Variants in OAT observed in about 807,000 individuals in gnomAD.
OAT encodes ornithine aminotransferase, mitochondrial.
Under a neutral mutation model 48.4 loss-of-function variants are expected in OAT, and 35 were observed. The observed-to-expected ratio is 0.72, with a 90% CI of 0.55 to 0.96. The LOEUF (loss-of-function observed/expected upper bound fraction) is 0.96. OAT is among the 40% of genes least tolerant of loss of function. The pLI, the probability that OAT is intolerant of heterozygous loss-of-function variation, is 0.00. For synonymous variants in OAT, 182 were observed against 198.4 expected (o/e 0.92, Z 0.70); for missense variants, 438 against 537.9 (o/e 0.81, Z 1.84).
chr10:124,411,096 C>T (rs1951731786), intron 2 of OAT, among the ~76,000 whole-genome samples: 1 of 136,676 alleles, frequency 7.3e-6, no homozygotes, highest in Non-Finnish European at 1.5e-5. Flanking sequence ...GCCGAGATCC[C>T]ACCATTGCAC....
intron 7 of OAT, among the ~76,000 whole-genome samples, chr10:124,402,040 C>T (rs1337266522): frequency 6.9e-6 from 1 of 145,034 alleles, no homozygotes; most frequent in Non-Finnish European, 1.5e-5. Context: ...CACCACCACA[C>T]CACACATGTT....
At chr10:124,412,884 C>A (rs942011111) in intron 1 of OAT, among the ~76,000 whole-genome samples, 1 of 152,158 alleles carries the variant, frequency 6.6e-6, no homozygotes, top group African/African-American at 2.4e-5. Flanking sequence ...TTGTTAAGCA[C>A]CTACCACAGT....
intron 8 of OAT, among the ~76,000 whole-genome samples, chr10:124,401,458 G>C (rs896768237): frequency 1.1e-4 from 17 of 152,238 alleles, no homozygotes; most frequent in Non-Finnish European, 2.4e-4. Context: ...TCACAGTTGA[G>C]AGTTCTATGA....
chr10:124,415,261 C>T (rs1423065014), intron 1 of OAT, among the ~76,000 whole-genome samples: 1 of 151,904 alleles, frequency 6.6e-6, no homozygotes. Context: ...AAAATAATAT[C>T]ATTCAAAACA....
intron 1 of OAT, among the ~76,000 whole-genome samples, chr10:124,417,306 T>TC (rs1450927174): frequency 3.5e-5 from 5 of 143,438 alleles, no homozygotes; most frequent in African/African-American, 1.3e-4. Flanking sequence ...TTTTTTTTTT[T>TC]TCGAGACGGA....
intron 7 of OAT, among the ~76,000 whole-genome samples, chr10:124,402,476 GC>G (rs1464528223): frequency 1.3e-5 from 2 of 152,188 alleles, no homozygotes; most frequent in East Asian, 3.8e-4. Context: ...TGTCTATTCA[GC>G]AAAAACATCT....
At chr10:124,408,315 GTGTATATATATATATA>G (rs1011770558) in intron 4 of OAT, among the ~76,000 whole-genome samples, 3 of 65,686 alleles carry the variant, frequency 4.6e-5, no homozygotes, top group African/African-American at 2.4e-4. Flanking sequence ...GTGTGTGTGT[GTGTATATATATATATA>G]TATATATATA....
chr10:124,399,331 G>C (rs1176934150), intron 9 of OAT, among the ~76,000 whole-genome samples: 1 of 136,806 alleles, frequency 7.3e-6, no homozygotes, highest in African/African-American at 2.7e-5. Context: ...AAGCTCCCCA[G>C]GTGATTCTTT....
At chr10:124,411,236 G>A (rs12269719) in intron 2 of OAT, among the ~76,000 whole-genome samples, 9,578 of 151,550 alleles carry the variant, frequency 0.063, 418 homozygotes, top group Non-Finnish European at 0.084. Context: ...TGCAGGCGGC[G>A]GGGGGAGAAG....
chr10:124,415,331 A>G (rs903820785), intron 1 of OAT, among the ~76,000 whole-genome samples: 3 of 152,118 alleles, frequency 2.0e-5, no homozygotes, highest in South Asian at 2.1e-4. Context: ...AGTCTCAGCT[A>G]TGTTGCCCAG....
chr10:124,400,701 G>T, intron 9 of OAT, 139 bp downstream of exon 9: 1 of 621,900 alleles, frequency 1.6e-6, no homozygotes, highest in Non-Finnish European at 2.7e-6. Flanking sequence ...AGTGAGCCAA[G>T]ATTGCGCCAC....
In OAT at chr10:124,403,858, G is replaced by A. The variant is rs941484898; in HGVS notation, c.711C>T (p.Gly237=). The change falls in exon 6 of 10, where the codon GGC becomes GGT. Residue 237 remains glycine, a synonymous_variant. Transcript: ENST00000368845. ...GGTAACCTGGATCCGGAACAACAAC[G>A]CCTGCTTCACCCTGAATTGGTTCTA... ...FMVEPIQGEA[G]VVVPDPGYLM... 1.1e-5 allele frequency: 18 copies of A among 1,613,934 alleles called. No homozygotes were observed. Among genetic ancestry groups the A allele is most frequent in the East Asian group, 4.5e-5 (2 of 44,894 alleles).
intron 9 of OAT, among the ~76,000 whole-genome samples, chr10:124,400,175 A>G: frequency 6.6e-6 from 1 of 152,148 alleles, no homozygotes; most frequent in East Asian, 1.9e-4. Flanking sequence ...TGTGGCCAGG[A>G]GCAGTGGCTC....
intron 4 of OAT, among the ~76,000 whole-genome samples, chr10:124,406,684 T>G (rs1390353333): frequency 2.7e-5 from 4 of 149,394 alleles, no homozygotes; most frequent in Admixed American, 2.0e-4. Flanking sequence ...GGCGTGGTGG[T>G]GGGCGCCTGT....
At chr10:124,413,460 C>T (rs962132582) in intron 1 of OAT, among the ~76,000 whole-genome samples, 1 of 152,034 alleles carries the variant, frequency 6.6e-6, no homozygotes, top group East Asian at 1.9e-4. Flanking sequence ...CAGAGGCAGG[C>T]GATCACCTGA....
At chr10:124,399,686 GAATCGTTGCTTTAA>G (rs1315659500) in intron 9 of OAT, among the ~76,000 whole-genome samples, 1 of 152,092 alleles carries the variant, frequency 6.6e-6, no homozygotes, top group Non-Finnish European at 1.5e-5. Flanking sequence ...TGGGAGGTTG[GAATCGTTGCTTTAA>G]AAGGAAGAGT....
chr10:124,405,027 G>C (rs544493313), intron 5 of OAT, among the ~76,000 whole-genome samples: 1 of 152,210 alleles, frequency 6.6e-6, no homozygotes, highest in South Asian at 2.1e-4. Flanking sequence ...CTAGGTGACA[G>C]AGTGAGACTC....
chr10:124,400,679 G>A lies in OAT; in HGVS notation c.1159+161C>T, dbSNP rs376352526. Among the ~76,000 whole-genome samples, 94 of 152,236 alleles carry A rather than the reference G, an allele frequency of 6.2e-4. 2 individuals are homozygous for A. The highest frequency in any genetic ancestry group is 3.4e-3 in the Middle Eastern group (1 of 294). On this transcript the variant is annotated intron_variant, in intron 9 of 9. Transcript: ENST00000368845. The stretch of plus-strand genomic sequence containing the variant: ...GAGGCAGAGAATTGCTTGAACCCAG[G>A]AGGCAGAGTGCAGTGAGCCAAGATT...
At chr10:124,412,529 G>A (rs1951787829) in intron 1 of OAT, among the ~76,000 whole-genome samples, 1 of 152,042 alleles carries the variant, frequency 6.6e-6, no homozygotes, top group South Asian at 2.1e-4. Flanking sequence ...AAAATGGCCA[G>A]GCGTGATAGC....
Sources: allele counts gnomAD v4.1 joint callset (sites outside exome capture counted in the v4.1 genomes callset), GRCh38; gene constraint gnomAD v4.1.1; transcripts MANE v1.5; gene names NCBI Gene and HGNC (gene_info 2026-07-23, HGNC 2026-07-21).